DTWD1: variants seen among roughly 807,000 people sequenced by gnomAD.
DTWD1 encodes DTW motif tRNA-uridine aminocarboxypropyltransferase 1, also known as tRNA-uridine aminocarboxypropyltransferase 1.
In DTWD1, 27 loss-of-function variants were observed where a neutral mutation model predicts 30.2. That is an observed-to-expected ratio of 0.90 (90% CI 0.66 to 1.23). DTWD1 has a LOEUF of 1.23. DTWD1 is among the 50% of genes most tolerant of loss of function. The pLI is 0.00. For synonymous variants in DTWD1, 99 were observed against 113.1 expected (o/e 0.88, Z 0.79); for missense variants, 342 against 348.8 (o/e 0.98, Z 0.15).
intron 3 of DTWD1, 81 bp downstream of exon 3, chr15:49,632,383 A>G: frequency 1.5e-6 from 2 of 1,324,920 alleles, no homozygotes. Flanking sequence ...GAACTTACTC[A>G]AACATAATTT....
Position 49,650,204 on chromosome 15 carries a change from G to A in DTWD1, c.*6626G>A, listed in dbSNP as rs1275561387. 6.6e-6 allele frequency: 1 copy of A among 152,096 alleles called. No individual in the cohort carries two copies. Among genetic ancestry groups the A allele is most frequent in the Non-Finnish European group, 1.5e-5 (1 of 68,014 alleles). The allele number at this position is 152,096 out of a possible 1,614,324, so 9.4% of individuals were successfully genotyped here. ...AAATGATAGAAGATGACATCATAGG[G>A]AGTAATGGTGTGGAGCCATGGTAAG... On this transcript the variant is annotated 3_prime_UTR_variant, in exon 5 of 5. Transcript: ENST00000403028.
intron 2 of DTWD1, 174 bp from the exon 3 acceptor site, chr15:49,631,985 T>A: frequency 1.5e-6 from 1 of 674,592 alleles, no homozygotes. Flanking sequence ...AGGAAGAAAT[T>A]TGGGTTGGTT....
chr15:49,641,531 T>A (rs1459804076), intron 4 of DTWD1, among the ~76,000 whole-genome samples: 1 of 152,130 alleles, frequency 6.6e-6, no homozygotes, highest in African/African-American at 2.4e-5. Context: ...CAGGCAACAT[T>A]TATCTGGATT....
intron 4 of DTWD1, among the ~76,000 whole-genome samples, chr15:49,636,681 A>T (rs1256423295): frequency 6.6e-6 from 1 of 152,134 alleles, no homozygotes; most frequent in Admixed American, 6.6e-5. Flanking sequence ...AGGGTTGTCT[A>T]TGTCTAGTTT....
chr15:49,651,144 C>T lies in DTWD1; in HGVS notation c.*7566C>T, dbSNP rs141315246. 132 of 152,244 alleles carry T rather than the reference C, an allele frequency of 8.7e-4. No individual in the cohort carries two copies. Among genetic ancestry groups the T allele is most frequent in the African/African-American group, 3.0e-3 (124 of 41,546 alleles). The allele number at this position is 152,244 out of a possible 1,614,324, so 9.4% of individuals were successfully genotyped here. ...CCACTAATGCTCTGTAGAAAGAGGG[C>T]TTCTTTGGTTGCATACAAATCTCAT... On this transcript the variant is annotated 3_prime_UTR_variant, in exon 5 of 5. Coordinates refer to ENST00000403028, the MANE Select transcript of DTWD1 (RefSeq NM_001144955.2).
At position 49,652,715 on chromosome 15, in the gene DTWD1, G is replaced by A. The variant is rs142966889; in HGVS notation, c.*9137G>A. Reference sequence around the variant, plus strand: ...GAAAAGAGGTCTCTTGATTCCTTTAGGAACTGCTCCCTAAGCATACAGGGA... The same window carrying A: ...GAAAAGAGGTCTCTTGATTCCTTTAAGAACTGCTCCCTAAGCATACAGGGA... On this transcript the variant is annotated 3_prime_UTR_variant, in exon 5 of 5. Coordinates refer to ENST00000403028, the MANE Select transcript of DTWD1 (RefSeq NM_001144955.2). 1.4e-5 allele frequency: 2 copies of A among 144,552 alleles called. No homozygotes were observed. The highest frequency in any genetic ancestry group is 3.9e-4 in the East Asian group (2 of 5,144). The allele number at this position is 144,552 out of a possible 1,614,324, so 9.0% of individuals were successfully genotyped here.
At chr15:49,630,506 G>C (rs2078905110) in intron 2 of DTWD1, among the ~76,000 whole-genome samples, 1 of 152,124 alleles carries the variant, frequency 6.6e-6, no homozygotes, top group African/African-American at 2.4e-5. Flanking sequence ...TATATAGTAA[G>C]GGAGATATGA....
At chr15:49,621,428 C>T (rs2078704464) in intron 1 of DTWD1, 1 of 152,098 alleles carries the variant, frequency 6.6e-6, no homozygotes, top group Non-Finnish European at 1.5e-5. Flanking sequence ...AAGTCAGTTC[C>T]CTAGGAACCC....
At position 49,656,210 on chromosome 15, in the gene DTWD1, T is replaced by A. The variant is rs2079175288; in HGVS notation, c.*12632T>A. The stretch of plus-strand genomic sequence containing the variant: ...ACCTGGTTCTTTGCTGTAAATTAAA[T>A]AAAAATTCAAATATTTGTAAAAGAA... On this transcript the variant is annotated 3_prime_UTR_variant, in exon 5 of 5. Coordinates refer to ENST00000403028, the MANE Select transcript of DTWD1 (RefSeq NM_001144955.2). 4 of 152,056 alleles carry A rather than the reference T, an allele frequency of 2.6e-5. No homozygotes were observed. Among genetic ancestry groups the A allele is most frequent in the Admixed American group, 2.6e-4 (4 of 15,240 alleles). The allele number at this position is 152,056 out of a possible 1,614,324, so 9.4% of individuals were successfully genotyped here.
chr15:49,642,641 T>C (rs1287265809), intron 4 of DTWD1, among the ~76,000 whole-genome samples: 1 of 152,098 alleles, frequency 6.6e-6, no homozygotes, highest in Non-Finnish European at 1.5e-5. Context: ...GGCTGGGCAC[T>C]GTAGCTCATG....
Position 49,644,864 on chromosome 15 carries a change from A to G in DTWD1, c.*1286A>G, listed in dbSNP as rs1598672522. The G allele has an allele frequency of 1.3e-5, 2 of 152,266 alleles. No homozygotes were observed. The highest frequency in any genetic ancestry group is 3.9e-4 in the East Asian group (2 of 5,176). The allele number at this position is 152,266 out of a possible 1,614,324, so 9.4% of individuals were successfully genotyped here. ...ACCTAAACCCTGCTCATACATTTGT[A>G]AATACTGTAGTTGTTTTATTACACT... is the stretch of plus-strand genomic sequence containing the variant. On this transcript the variant is annotated 3_prime_UTR_variant, in exon 5 of 5. Transcript: ENST00000403028.
At position 49,655,612 on chromosome 15, in the gene DTWD1, T is replaced by A. The variant is rs2079173222; in HGVS notation, c.*12034T>A. 6.6e-6 allele frequency: 1 copy of A among 152,052 alleles called. No individual in the cohort carries two copies. Among genetic ancestry groups the A allele is most frequent in the African/African-American group, 2.4e-5 (1 of 41,440 alleles). 9.4% of individuals were successfully genotyped at this position (152,052 alleles called of 1,614,324 possible). On this transcript the variant is annotated 3_prime_UTR_variant, in exon 5 of 5. Coordinates refer to ENST00000403028, the MANE Select transcript of DTWD1 (RefSeq NM_001144955.2). ...CTAAGAATTGGGGTGCTATAGATAA[T>A]TCCCAAAAGATTATCTAGCCTACAG...
chr15:49,641,455 C>A (rs1314003608), intron 4 of DTWD1, among the ~76,000 whole-genome samples: 1 of 151,902 alleles, frequency 6.6e-6, no homozygotes, highest in Non-Finnish European at 1.5e-5. Flanking sequence ...TTGTTAATAT[C>A]ATTATTTTTG....
chr15:49,633,674 G>T, intron 3 of DTWD1: 1 of 242,590 alleles, frequency 4.1e-6, no homozygotes. Context: ...TTGTGATTTT[G>T]TTTTTATCTT....
intron 1 of DTWD1, among the ~76,000 whole-genome samples, chr15:49,624,218 C>T (rs1038312926): frequency 2.0e-5 from 3 of 152,130 alleles, no homozygotes; most frequent in Non-Finnish European, 4.4e-5. Flanking sequence ...TTTCTCTTGT[C>T]CCTGTTTCTA....
intron 2 of DTWD1, chr15:49,629,646 C>T (rs530156735): frequency 2.0e-5 from 3 of 152,124 alleles, no homozygotes; most frequent in Non-Finnish European, 4.4e-5. Flanking sequence ...CAACTGAGAC[C>T]GAGCGTCATG....
intron 2 of DTWD1, among the ~76,000 whole-genome samples, chr15:49,626,539 T>C (rs1046293500): frequency 1.3e-5 from 2 of 152,058 alleles, no homozygotes; most frequent in East Asian, 3.9e-4. Context: ...TATCCCAAAC[T>C]TTAGGAATAA....
intron 4 of DTWD1, among the ~76,000 whole-genome samples, chr15:49,635,472 C>G (rs1377575847): frequency 6.6e-6 from 1 of 151,864 alleles, no homozygotes; most frequent in Non-Finnish European, 1.5e-5. Flanking sequence ...TTTTGCCTTA[C>G]AGGTTTTTTG....
intron 2 of DTWD1, among the ~76,000 whole-genome samples, chr15:49,628,430 A>G (rs2078873852): frequency 6.6e-6 from 1 of 152,244 alleles, no homozygotes; most frequent in Non-Finnish European, 1.5e-5. Context: ...GCATGCTTTT[A>G]TATGACTGGC....
Sources: allele counts gnomAD v4.1 joint callset (sites outside exome capture counted in the v4.1 genomes callset), GRCh38; gene constraint gnomAD v4.1.1; transcripts MANE v1.5; gene names NCBI Gene and HGNC (gene_info 2026-07-23, HGNC 2026-07-21).